The following SGCZ variants were observed in gnomAD, a reference collection of about 807,000 sequenced individuals.
The protein encoded by SGCZ is sarcoglycan zeta, also known as zeta-sarcoglycan.
A neutral mutation model predicts 41.3 loss-of-function variants in SGCZ; 40 were observed. That is an observed-to-expected ratio of 0.97 (90% CI 0.75 to 1.26). The LOEUF is 1.26. Among genes scored for constraint, SGCZ ranks in the 50% most tolerant of loss-of-function variants. The probability of loss-of-function intolerance (pLI) is 0.00; values close to 1 mark genes in which losing one functional copy is unlikely to be tolerated. For missense variants in SGCZ, 552 were observed against 369.8 expected (o/e 1.49, Z -4.04); for synonymous variants, 206 against 137.5 (o/e 1.50, Z -3.49).
intron 1 of SGCZ, among the ~76,000 whole-genome samples, chr8:14,808,905 A>C (rs918316642): frequency 2.6e-5 from 4 of 151,688 alleles, no homozygotes; most frequent in Admixed American, 1.3e-4. Context: ...CAGCCATAAA[A>C]AATGATGAGT....
intron 4 of SGCZ, among the ~76,000 whole-genome samples, chr8:14,217,055 A>C (rs1342773069): frequency 6.6e-6 from 1 of 152,128 alleles, no homozygotes; most frequent in Non-Finnish European, 1.5e-5. Flanking sequence ...TGGGAGGCCG[A>C]GGTGGGTGGA....
Position 14,500,925 on chromosome 8 carries a change from A to G in SGCZ, c.234+53807T>C, listed in dbSNP as rs537789256. On this transcript the variant is annotated intron_variant, in intron 2 of 7. Coordinates refer to ENST00000382080, the MANE Select transcript of SGCZ (RefSeq NM_139167.4). ...AACCAAAGGGAAACCATGAATAATT[A>G]TACACCTGTATTAGTTTATCATTGC... 8.5e-5 allele frequency among the ~76,000 whole-genome samples: 13 copies of G among 152,218 alleles called. No homozygotes were observed. In the South Asian group the frequency reaches 2.5e-3, roughly 29 times the overall value.
chr8:14,397,705 G>T (rs1006300205), intron 2 of SGCZ, among the ~76,000 whole-genome samples: 1 of 152,088 alleles, frequency 6.6e-6, no homozygotes, highest in Non-Finnish European at 1.5e-5. Flanking sequence ...AAGGGCAGGT[G>T]AATGTATCTG....
At chr8:14,227,247 T>C (rs1055552349) in intron 4 of SGCZ, among the ~76,000 whole-genome samples, 9 of 152,182 alleles carry the variant, frequency 5.9e-5, no homozygotes, top group African/African-American at 2.2e-4. Context: ...AAAAAAAATG[T>C]AAGAATGCAA....
chr8:15,042,558 T>G (rs984567295), intron 1 of SGCZ, among the ~76,000 whole-genome samples: 4 of 152,128 alleles, frequency 2.6e-5, no homozygotes, highest in Admixed American at 2.6e-4. Context: ...CCTTTATAAA[T>G]AATATTCCAA....
intron 2 of SGCZ, among the ~76,000 whole-genome samples, chr8:14,343,738 A>G (rs1802794200): frequency 1.3e-5 from 2 of 152,300 alleles, no homozygotes; most frequent in Admixed American, 6.5e-5. Context: ...GTGTCATGTC[A>G]TCGCCAACCT....
At chr8:14,686,133 T>G (rs1049104700) in intron 1 of SGCZ, among the ~76,000 whole-genome samples, 2 of 152,132 alleles carry the variant, frequency 1.3e-5, no homozygotes, top group Non-Finnish European at 1.5e-5. Flanking sequence ...AAAACTCATC[T>G]GAGCAATTTA....
At chr8:14,757,702 A>C (rs1178694082) in intron 1 of SGCZ, among the ~76,000 whole-genome samples, 1 of 152,194 alleles carries the variant, frequency 6.6e-6, no homozygotes, top group Non-Finnish European at 1.5e-5. Context: ...CAAAGAATTG[A>C]CCTTCCAAAT....
intron 1 of SGCZ, among the ~76,000 whole-genome samples, chr8:14,954,176 G>C (rs978436880): frequency 6.6e-6 from 1 of 152,128 alleles, no homozygotes; most frequent in Non-Finnish European, 1.5e-5. Context: ...CATTTTCAGA[G>C]AACATAAAAG....
chr8:14,728,012 G>C (rs1035832139), intron 1 of SGCZ, among the ~76,000 whole-genome samples: 3 of 152,128 alleles, frequency 2.0e-5, no homozygotes, highest in Non-Finnish European at 4.4e-5. Flanking sequence ...TTACCTACTT[G>C]ATGCGTCCAT....
At chr8:14,678,191 G>A (rs888245675) in intron 1 of SGCZ, among the ~76,000 whole-genome samples, 14 of 151,964 alleles carry the variant, frequency 9.2e-5, no homozygotes, top group African/African-American at 3.1e-4. Context: ...TTAATAAATT[G>A]GATTTCATTA....
intron 1 of SGCZ, among the ~76,000 whole-genome samples, chr8:14,694,856 C>G (rs1303858729): frequency 1.3e-5 from 2 of 152,052 alleles, no homozygotes; most frequent in Non-Finnish European, 2.9e-5. Context: ...ATAGAACATT[C>G]AGTAGTTTGT....
chr8:15,066,734 C>G (rs369999015), intron 1 of SGCZ, among the ~76,000 whole-genome samples: 1 of 152,074 alleles, frequency 6.6e-6, no homozygotes, highest in South Asian at 2.1e-4. Flanking sequence ...GGCTTTTAGA[C>G]CAGCTGATTT....
chr8:14,339,794 A>G (rs1802639181), intron 2 of SGCZ, among the ~76,000 whole-genome samples: 1 of 152,214 alleles, frequency 6.6e-6, no homozygotes, highest in African/African-American at 2.4e-5. Context: ...AACTAAAATA[A>G]TATATGTAAA....
chr8:14,597,900 T>C (rs1202115327), intron 1 of SGCZ, among the ~76,000 whole-genome samples: 2 of 152,334 alleles, frequency 1.3e-5, no homozygotes, highest in East Asian at 1.9e-4. Context: ...AGAGTAAATA[T>C]ACAAAACCTA....
chr8:15,065,060 A>G (rs943588658), intron 1 of SGCZ, among the ~76,000 whole-genome samples: 1 of 152,104 alleles, frequency 6.6e-6, no homozygotes, highest in Non-Finnish European at 1.5e-5. Context: ...AAATGCAAAA[A>G]TCTGATCATG....
chr8:14,776,910 G>C (rs922528475), intron 1 of SGCZ, among the ~76,000 whole-genome samples: 3 of 152,182 alleles, frequency 2.0e-5, no homozygotes, highest in Non-Finnish European at 4.4e-5. Context: ...AGAAATGTTA[G>C]AACAATCCCT....
chr8:14,639,086 A>T (rs555265295), intron 1 of SGCZ, among the ~76,000 whole-genome samples: 1 of 139,006 alleles, frequency 7.2e-6, no homozygotes, highest in East Asian at 2.3e-4. Flanking sequence ...TTGCTCTGTC[A>T]CCCAGGCTGG....
At chr8:14,966,970 T>C (rs955721982) in intron 1 of SGCZ, among the ~76,000 whole-genome samples, 2 of 152,176 alleles carry the variant, frequency 1.3e-5, no homozygotes. Context: ...TTCCATTCTC[T>C]CCCAGTTGTG....
Sources: gnomAD v4.1 joint callset for allele counts (sites outside exome capture counted in the v4.1 genomes callset) on GRCh38, gnomAD v4.1.1 for gene constraint, MANE v1.5 for transcripts, NCBI Gene and HGNC (gene_info 2026-07-23, HGNC 2026-07-21) for gene names.